LRRTM4: variants seen among roughly 807,000 people sequenced by gnomAD.
LRRTM4 encodes the protein leucine-rich repeat transmembrane neuronal protein 4.
A neutral mutation model predicts 47.6 loss-of-function variants in LRRTM4; 25 were observed. That is an observed-to-expected ratio of 0.53 (90% CI 0.38 to 0.73). The LOEUF (loss-of-function observed/expected upper bound fraction) is 0.73. Among genes scored for constraint, LRRTM4 ranks in the 30% least tolerant of loss-of-function variants. The probability of loss-of-function intolerance (pLI) is 0.00; values close to 1 mark genes in which losing one functional copy is unlikely to be tolerated. For missense variants in LRRTM4, 638 were observed against 713.4 expected, an observed-to-expected ratio of 0.89 and a Z score of 1.20; for synonymous variants, 311 against 269.5, an observed-to-expected ratio of 1.15 and a Z score of -1.51.
chr2:76,869,015 T>C (rs562868727), intron 3 of LRRTM4, among the ~76,000 whole-genome samples: 2 of 151,950 alleles, frequency 1.3e-5, no homozygotes, highest in South Asian at 2.1e-4. Flanking sequence ...TAAAAGCTAA[T>C]AAAAATGTAA....
rs138043973 is a variant in LRRTM4, at chr2:76,855,156, G to A, written c.1552-106240C>T. On this transcript the variant is annotated intron_variant, in intron 3 of 3. Transcript: ENST00000409884. ...GGCGGTTGCTCAGGAGCCTGCTTGCGGAGACATCAGGAGCAACGTTAGCAA... is the reference window on the plus strand; with the variant it reads ...GGCGGTTGCTCAGGAGCCTGCTTGCAGAGACATCAGGAGCAACGTTAGCAA... Among the ~76,000 whole-genome samples the A allele has an allele frequency of 6.8e-4, 103 of 152,282 alleles. No individual in the cohort carries two copies. In the East Asian group the frequency reaches 0.012, roughly 17 times the overall value.
intron 3 of LRRTM4, among the ~76,000 whole-genome samples, chr2:76,818,123 G>C (rs1037656696): frequency 6.6e-6 from 1 of 151,826 alleles, no homozygotes; most frequent in Non-Finnish European, 1.5e-5. Context: ...TGAATTAGTC[G>C]TTGTAATATA....
At chr2:76,833,404 A>T (rs1173298803) in intron 3 of LRRTM4, among the ~76,000 whole-genome samples, 1 of 152,104 alleles carries the variant, frequency 6.6e-6, no homozygotes, top group East Asian at 1.9e-4. Flanking sequence ...AACATATTTT[A>T]TCTCAGCTCT....
chr2:77,145,506 T>C (rs1045440310), intron 3 of LRRTM4, among the ~76,000 whole-genome samples: 1 of 151,776 alleles, frequency 6.6e-6, no homozygotes. Flanking sequence ...TGGTAGCTCA[T>C]GCTTGTAATC....
chr2:76,883,469 C>T (rs1342685976), intron 3 of LRRTM4, among the ~76,000 whole-genome samples: 3 of 152,152 alleles, frequency 2.0e-5, no homozygotes, highest in Admixed American at 6.5e-5. Context: ...AGGAATTTCT[C>T]GATTTTGTAG....
intron 3 of LRRTM4, among the ~76,000 whole-genome samples, chr2:77,054,113 G>A (rs1215149030): frequency 6.6e-6 from 1 of 151,380 alleles, no homozygotes; most frequent in Non-Finnish European, 1.5e-5. Flanking sequence ...TCCAAAACAT[G>A]GGGAAACCAC....
chr2:77,496,370 G>C (rs1394753150), intron 3 of LRRTM4, among the ~76,000 whole-genome samples: 1 of 151,690 alleles, frequency 6.6e-6, no homozygotes, highest in Non-Finnish European at 1.5e-5. Flanking sequence ...ATGTCATATA[G>C]GGTGGTGAGA....
chr2:77,438,263 G>T (rs941018682), intron 3 of LRRTM4, among the ~76,000 whole-genome samples: 22 of 151,962 alleles, frequency 1.4e-4, no homozygotes, highest in Admixed American at 1.4e-3. Flanking sequence ...AATTAATAGA[G>T]TAGTAACATG....
At chr2:77,127,366 A>C (rs529353657) in intron 3 of LRRTM4, among the ~76,000 whole-genome samples, 1 of 152,330 alleles carries the variant, frequency 6.6e-6, no homozygotes, top group Non-Finnish European at 1.5e-5. Flanking sequence ...TAAAATACTC[A>C]TTTAAATTTA....
At chr2:77,099,463 G>A (rs902045349) in intron 3 of LRRTM4, among the ~76,000 whole-genome samples, 9 of 151,872 alleles carry the variant, frequency 5.9e-5, no homozygotes, top group African/African-American at 2.2e-4. Flanking sequence ...GTGTGTGTGT[G>A]TTTATATTAA....
At chr2:77,041,544 T>G (rs1679034842) in intron 3 of LRRTM4, among the ~76,000 whole-genome samples, 1 of 151,658 alleles carries the variant, frequency 6.6e-6, no homozygotes, top group South Asian at 2.1e-4. Context: ...GTATAAGAAT[T>G]TGCCCTTCTC....
At chr2:77,402,158 A>T (rs368612305) in intron 3 of LRRTM4, among the ~76,000 whole-genome samples, 2 of 152,022 alleles carry the variant, frequency 1.3e-5, no homozygotes, top group East Asian at 1.9e-4. Flanking sequence ...TATTCTAAAA[A>T]TGTATGAGAC....
At position 77,035,154 on chromosome 2, in the gene LRRTM4, C is replaced by T. The variant is rs1380220136; in HGVS notation, c.1552-286238G>A. Among the ~76,000 whole-genome samples the T allele has an allele frequency of 1.1e-4, 16 of 151,606 alleles. No homozygotes were observed. The Admixed American group carries it at 1.1e-3, about 10-fold the overall frequency. On this transcript the variant is annotated intron_variant, in intron 3 of 3. Transcript: ENST00000409884. Reference sequence around the variant, plus strand: ...TGTATACATGTGCCATGTTGGTGTGCTGCACCCATTAACTCGTCATTTACA... The same window carrying T: ...TGTATACATGTGCCATGTTGGTGTGTTGCACCCATTAACTCGTCATTTACA...
chr2:77,070,530 TTTTA>T lies in LRRTM4; in HGVS notation c.1552-321618_1552-321615del, dbSNP rs370077934. Among the ~76,000 whole-genome samples, 590 of 152,206 alleles carry T rather than the reference TTTTA, an allele frequency of 3.9e-3. 1 individual carries two copies. The highest frequency in any genetic ancestry group is 6.2e-3 in the Non-Finnish European group (423 of 68,020). ...TATCACTAAAAATTTGACAAATGGC[TTTTA>T]TTTACTCATTTTTCTATTTTCCCTT... is the stretch of plus-strand genomic sequence containing the variant. On this transcript the variant is annotated intron_variant, in intron 3 of 3. Transcript: ENST00000409884.
chr2:77,123,119 A>G (rs1021489888), intron 3 of LRRTM4, among the ~76,000 whole-genome samples: 4 of 151,854 alleles, frequency 2.6e-5, no homozygotes, highest in Non-Finnish European at 5.9e-5. Context: ...GTGGGAACCA[A>G]TCATGAAAGG....
intron 3 of LRRTM4, among the ~76,000 whole-genome samples, chr2:76,807,428 A>ATG (rs1216403355): frequency 9.8e-6 from 1 of 102,336 alleles, no homozygotes. Context: ...ATATATACAT[A>ATG]TATATATACG....
intron 3 of LRRTM4, among the ~76,000 whole-genome samples, chr2:77,306,906 T>A (rs916058325): frequency 2.2e-5 from 3 of 139,084 alleles, no homozygotes; most frequent in African/African-American, 9.3e-5. Context: ...TATTTTTTTT[T>A]TTTTTTTTTT....
At chr2:77,258,908 A>T (rs1675841785) in intron 3 of LRRTM4, among the ~76,000 whole-genome samples, 1 of 152,152 alleles carries the variant, frequency 6.6e-6, no homozygotes, top group Admixed American at 6.6e-5. Flanking sequence ...AAAACAAAAC[A>T]AAAACAAAAA....
chr2:77,045,625 A>G (rs1490708026), intron 3 of LRRTM4, among the ~76,000 whole-genome samples: 1 of 151,910 alleles, frequency 6.6e-6, no homozygotes, highest in Non-Finnish European at 1.5e-5. Context: ...TGGTTATTAT[A>G]AGGAGGAGTT....
Sources: gnomAD v4.1 joint callset for allele counts (sites outside exome capture counted in the v4.1 genomes callset) on GRCh38, gnomAD v4.1.1 for gene constraint, MANE v1.5 for transcripts, NCBI Gene and HGNC (gene_info 2026-07-23, HGNC 2026-07-21) for gene names.